Variants in LRRC4C observed in about 807,000 individuals in gnomAD.
LRRC4C encodes leucine rich repeat containing 4C, also known as leucine-rich repeat-containing protein 4C.
Under a neutral mutation model 33.6 loss-of-function variants are expected in LRRC4C, and 5 were observed. The observed-to-expected ratio is 0.15, with a 90% CI of 0.08 to 0.31. The LOEUF (loss-of-function observed/expected upper bound fraction) is 0.31. Ranked by LOEUF, LRRC4C falls within the 10% of genes least tolerant of loss-of-function variation. LRRC4C has a pLI of 1.00. For missense variants in LRRC4C, 560 were observed against 796.7 expected (o/e 0.70, Z 3.58); for synonymous variants, 329 against 302.0 (o/e 1.09, Z -0.93).
chr11:40,467,577 A>G (rs1234105201), intron 3 of LRRC4C, among the ~76,000 whole-genome samples: 2 of 152,196 alleles, frequency 1.3e-5, no homozygotes, highest in Non-Finnish European at 2.9e-5. Flanking sequence ...TTTTGAGGAT[A>G]TGGTTTCAGT....
chr11:40,483,201 G>T (rs1055691921), intron 3 of LRRC4C, among the ~76,000 whole-genome samples: 62 of 152,156 alleles, frequency 4.1e-4, no homozygotes, highest in African/African-American at 1.5e-3. Context: ...AGGAGCACTG[G>T]GCATCATCTT....
chr11:40,209,997 A>T (rs1164228584), intron 5 of LRRC4C, among the ~76,000 whole-genome samples: 1 of 152,172 alleles, frequency 6.6e-6, no homozygotes, highest in Non-Finnish European at 1.5e-5. Context: ...ATAGTACAGG[A>T]TCCTTTAGGA....
intron 1 of LRRC4C, among the ~76,000 whole-genome samples, chr11:41,399,846 T>C (rs117032922): frequency 2.0e-5 from 3 of 152,074 alleles, no homozygotes; most frequent in East Asian, 3.9e-4. Context: ...AATAACCATG[T>C]TCCTTTTTAA....
chr11:40,542,506 C>T (rs966535801), intron 3 of LRRC4C, among the ~76,000 whole-genome samples: 11 of 152,200 alleles, frequency 7.2e-5, no homozygotes, highest in African/African-American at 2.2e-4. Context: ...TGCAGAGATC[C>T]TTTAAAAGCT....
chr11:41,242,324 C>T (rs985815643), intron 1 of LRRC4C, among the ~76,000 whole-genome samples: 1 of 151,978 alleles, frequency 6.6e-6, no homozygotes, highest in Non-Finnish European at 1.5e-5. Context: ...TTCAAACATA[C>T]CCTAGTTTTT....
At chr11:41,426,393 C>T (rs1420390875) in intron 1 of LRRC4C, 1 of 152,156 alleles carries the variant, frequency 6.6e-6, no homozygotes, top group African/African-American at 2.4e-5. Context: ...ACCTGGAATT[C>T]CTTCTGCCAG....
intron 3 of LRRC4C, among the ~76,000 whole-genome samples, chr11:40,363,299 C>G (rs1277960125): frequency 6.6e-6 from 1 of 152,042 alleles, no homozygotes; most frequent in Non-Finnish European, 1.5e-5. Context: ...AGCAAACTAA[C>G]GCAAGAACAA....
At chr11:41,257,183 C>G (rs1025893055) in intron 1 of LRRC4C, among the ~76,000 whole-genome samples, 1 of 151,770 alleles carries the variant, frequency 6.6e-6, no homozygotes, top group Non-Finnish European at 1.5e-5. Flanking sequence ...CCAGCCATCA[C>G]CCCCTACAAA....
chr11:41,046,018 A>G (rs911327046), intron 1 of LRRC4C, among the ~76,000 whole-genome samples: 1 of 152,182 alleles, frequency 6.6e-6, no homozygotes, highest in African/African-American at 2.4e-5. Context: ...TAACCAGTAG[A>G]AAGAAAAAGA....
intron 3 of LRRC4C, among the ~76,000 whole-genome samples, chr11:40,418,978 G>T (rs190793101): frequency 6.6e-6 from 1 of 152,210 alleles, no homozygotes; most frequent in East Asian, 1.9e-4. Flanking sequence ...TGGTGGTCGG[G>T]GGATAGGGGG....
rs184129263 is a variant in LRRC4C at position 40,700,456 on chromosome 11, G to A, written c.-406-52178C>T. On this transcript the variant is annotated intron_variant, in intron 2 of 6. Coordinates refer to ENST00000528697, the MANE Select transcript of LRRC4C (RefSeq NM_001258419.2). Reference sequence around the variant, plus strand: ...CAATGTATTTCTGTTAATACTAATAGGTTAAATTTATATATCAATCTAAAG... The same window carrying A: ...CAATGTATTTCTGTTAATACTAATAAGTTAAATTTATATATCAATCTAAAG... 1.2e-3 allele frequency among the ~76,000 whole-genome samples: 188 copies of A among 152,062 alleles called. 1 individual carries two copies. Among genetic ancestry groups the A allele is most frequent in the Admixed American group, 2.2e-3 (34 of 15,256 alleles).
intron 1 of LRRC4C, among the ~76,000 whole-genome samples, chr11:40,939,339 A>G (rs2136566123): frequency 6.6e-6 from 1 of 152,312 alleles, no homozygotes; most frequent in South Asian, 2.1e-4. Context: ...TGTTATAAAT[A>G]ATTATTAGAA....
chr11:40,172,764 A>G (rs577307703), intron 5 of LRRC4C, among the ~76,000 whole-genome samples: 1 of 152,242 alleles, frequency 6.6e-6, no homozygotes, highest in East Asian at 1.9e-4. Flanking sequence ...CTCTCGATTC[A>G]TAATGCTCTG....
At chr11:41,336,458 G>A (rs1280502224) in intron 1 of LRRC4C, among the ~76,000 whole-genome samples, 3 of 151,772 alleles carry the variant, frequency 2.0e-5, no homozygotes, top group Admixed American at 6.6e-5. Context: ...AAAAAATATC[G>A]GGGGCCATAA....
chr11:41,260,042 A>G (rs1321208146), intron 1 of LRRC4C, among the ~76,000 whole-genome samples: 1 of 151,956 alleles, frequency 6.6e-6, no homozygotes, highest in East Asian at 1.9e-4. Flanking sequence ...ATAACTTTGG[A>G]CAAATTTCTT....
chr11:40,964,276 T>A (rs1253797783), intron 1 of LRRC4C, among the ~76,000 whole-genome samples: 1 of 151,502 alleles, frequency 6.6e-6, no homozygotes, highest in Non-Finnish European at 1.5e-5. Flanking sequence ...AAGCTGCAAG[T>A]GGCAGAAAAA....
intron 5 of LRRC4C, among the ~76,000 whole-genome samples, chr11:40,239,080 CAA>C (rs1383151946): frequency 4.6e-5 from 7 of 152,160 alleles, no homozygotes; most frequent in Non-Finnish European, 1.0e-4. Flanking sequence ...TACAACATGA[CAA>C]AGACTTGGTC....
intron 3 of LRRC4C, among the ~76,000 whole-genome samples, chr11:40,464,080 A>G (rs1952538008): frequency 6.6e-6 from 1 of 152,014 alleles, no homozygotes; most frequent in African/African-American, 2.4e-5. Flanking sequence ...AGACACAAAA[A>G]TCCTCAAATA....
chr11:40,336,617 TAG>T (rs1946615450), intron 3 of LRRC4C, among the ~76,000 whole-genome samples: 2 of 152,104 alleles, frequency 1.3e-5, no homozygotes, highest in Non-Finnish European at 2.9e-5. Flanking sequence ...TCAGTTAATG[TAG>T]AGAGAGTCAG....
Sources: gnomAD v4.1 joint callset for allele counts (sites outside exome capture counted in the v4.1 genomes callset) on GRCh38, gnomAD v4.1.1 for gene constraint, MANE v1.5 for transcripts, NCBI Gene and HGNC (gene_info 2026-07-23, HGNC 2026-07-21) for gene names.